ATP23: variants seen among roughly 807,000 people sequenced by gnomAD.
ATP23 encodes the protein ATP23 metallopeptidase and ATP synthase assembly factor homolog.
In ATP23, 24 loss-of-function variants were observed where a neutral mutation model predicts 28.5. The ratio of observed to expected loss-of-function variants is 0.84; its 90% CI spans 0.61 to 1.18. The LOEUF is 1.18. Among genes scored for constraint, ATP23 ranks in the 50% most tolerant of loss-of-function variants. The probability of loss-of-function intolerance (pLI) is 0.00; values close to 1 mark genes in which losing one functional copy is unlikely to be tolerated. For synonymous variants in ATP23, 99 were observed against 108.6 expected (o/e 0.91, Z 0.55); for missense variants, 274 against 306.4 (o/e 0.89, Z 0.79).
chr12:57,954,118 C>G (rs1264381835), intron 5 of ATP23, among the ~76,000 whole-genome samples: 1 of 142,212 alleles, frequency 7.0e-6, no homozygotes, highest in East Asian at 2.2e-4. Context: ...TCACTTGAAT[C>G]TGGGAGATGG....
At chr12:57,942,043 C>T (rs568320325) in intron 1 of ATP23, among the ~76,000 whole-genome samples, 155 bp downstream of exon 1, 3 of 152,362 alleles carry the variant, frequency 2.0e-5, no homozygotes, top group Non-Finnish European at 4.4e-5. Context: ...GAGCCTGAGG[C>T]TCAGTTTCCC....
Position 57,947,046 on chromosome 12 carries a change from C to A in ATP23, c.285C>A (p.Val95=). 1 of 1,614,038 alleles carries A rather than the reference C, an allele frequency of 6.2e-7. No homozygotes were observed. The highest frequency in any genetic ancestry group is 1.1e-5 in the South Asian group (1 of 91,042). The change falls in exon 3 of 6, where the codon GTC becomes GTA. Residue 95 remains valine (V), a synonymous_variant. Transcript: ENST00000300145. Reference sequence around the variant, plus strand: ...CTTGCGAAGACTGTAATGGAAATGTCAGTGGAGGTTTTGATGCTTCAACAT... The same window carrying A: ...CTTGCGAAGACTGTAATGGAAATGTAAGTGGAGGTTTTGATGCTTCAACAT... The part of the protein sequence containing the change: ...HFSCEDCNGN[V]SGGFDASTSQ...
chr12:57,949,735 T>G (rs568645516), intron 3 of ATP23: 1 of 152,490 alleles, frequency 6.6e-6, no homozygotes, highest in Non-Finnish European at 1.5e-5. Context: ...CCTCAAATGA[T>G]CCTTCCATTT....
chr12:57,946,422 A>G (rs1279908573), intron 2 of ATP23, among the ~76,000 whole-genome samples: 2 of 151,160 alleles, frequency 1.3e-5, no homozygotes, highest in Non-Finnish European at 2.9e-5. Context: ...CATACTTGCA[A>G]TATGGCCATA....
chr12:57,958,489 C>G lies in ATP23; in HGVS notation c.*1599C>G, dbSNP rs1033772575. Reference sequence around the variant, plus strand: ...ACCCTCATGGAGTCCATTGCACCCCCCCTGCCACCTCCACTGGAACAGGTG... The same window carrying G: ...ACCCTCATGGAGTCCATTGCACCCCGCCTGCCACCTCCACTGGAACAGGTG... On this transcript the variant is annotated 3_prime_UTR_variant, in exon 6 of 6. Coordinates refer to ENST00000300145, the MANE Select transcript of ATP23 (RefSeq NM_033276.4). 2.0e-5 allele frequency among the ~76,000 whole-genome samples: 3 copies of G among 152,162 alleles called. No homozygotes were observed. The highest frequency in any genetic ancestry group is 1.3e-4 in the Admixed American group (2 of 15,286).
chr12:57,952,137 C>T (rs1204807664), intron 4 of ATP23, among the ~76,000 whole-genome samples: 3 of 151,786 alleles, frequency 2.0e-5, no homozygotes, highest in African/African-American at 7.3e-5. Flanking sequence ...CTTTAATAAG[C>T]TATTAATTTT....
At chr12:57,946,446 A>ATTTTT (rs369316315) in intron 2 of ATP23, among the ~76,000 whole-genome samples, 1 of 104,024 alleles carries the variant, frequency 9.6e-6, no homozygotes, top group Non-Finnish European at 1.9e-5. Context: ...AGTTGAACAA[A>ATTTTT]TTTTTTTTTT....
At chr12:57,943,755 G>GT (rs1343983753) in intron 1 of ATP23, among the ~76,000 whole-genome samples, 1 of 152,128 alleles carries the variant, frequency 6.6e-6, no homozygotes, top group Non-Finnish European at 1.5e-5. Context: ...AATGGTAGCT[G>GT]TTTTTACAGT....
chr12:57,954,087 A>G (rs751158953), intron 5 of ATP23, among the ~76,000 whole-genome samples: 28 of 148,692 alleles, frequency 1.9e-4, no homozygotes, highest in African/African-American at 6.4e-4. Flanking sequence ...CCCAACTACT[A>G]TGGAGGCTGA....
chr12:57,953,550 T>C (rs1035191671), intron 4 of ATP23, 56 bp from the exon 5 acceptor site: 12 of 1,418,708 alleles, frequency 8.5e-6, no homozygotes, highest in Non-Finnish European at 1.2e-5. Flanking sequence ...GTTGATATCA[T>C]AAAGATATAT....
At chr12:57,942,578 C>G (rs1364791558) in intron 1 of ATP23, among the ~76,000 whole-genome samples, 4 of 152,100 alleles carry the variant, frequency 2.6e-5, no homozygotes, top group Non-Finnish European at 5.9e-5. Context: ...CGCTCGCCAC[C>G]ACACCCTGCT....
At chr12:57,947,185 A>G (rs947093808) in intron 3 of ATP23, 109 bp downstream of exon 3, 54 of 992,484 alleles carry the variant, frequency 5.4e-5, no homozygotes, top group Non-Finnish European at 7.3e-5. Flanking sequence ...ATGTAGGACT[A>G]AAAAAGTGAA....
intron 1 of ATP23, among the ~76,000 whole-genome samples, chr12:57,943,602 A>G (rs1480560517): frequency 6.6e-6 from 1 of 151,740 alleles, no homozygotes; most frequent in Non-Finnish European, 1.5e-5. Flanking sequence ...ATTTGCTTGA[A>G]CCCAGGAGGC....
At chr12:57,943,506 C>T (rs1227422790) in intron 1 of ATP23, among the ~76,000 whole-genome samples, 4 of 151,656 alleles carry the variant, frequency 2.6e-5, no homozygotes. Flanking sequence ...ATAGGGAGAC[C>T]CTGTCTCTAC....
Position 57,941,818 on chromosome 12 carries a change from A to G in ATP23, c.117A>G (p.Gln39=), listed in dbSNP as rs770023009. 2.5e-6 allele frequency: 4 copies of G among 1,612,648 alleles called. No individual in the cohort carries two copies. In the African/African-American group the frequency reaches 4.0e-5, roughly 16 times the overall value. ...GTCTGGCCCAGGGGAATCCCCAGCAAGGGTTCTTCTCCAGCTTCTTCACCA... is the reference window on the plus strand; with the variant it reads ...GTCTGGCCCAGGGGAATCCCCAGCAGGGGTTCTTCTCCAGCTTCTTCACCA... The part of the protein sequence containing the change: ...PERLAQGNPQ[Q]GFFSSFFTSN... Residue 39 remains glutamine, a synonymous_variant, in exon 1 of 6, where the codon CAA becomes CAG. Transcript: ENST00000300145.
intron 3 of ATP23, chr12:57,949,779 G>A (rs1330948596): frequency 1.3e-5 from 2 of 152,232 alleles, no homozygotes; most frequent in Non-Finnish European, 2.9e-5. Context: ...ACAAGTGAGA[G>A]CCACTGCTCC....
intron 3 of ATP23, among the ~76,000 whole-genome samples, chr12:57,950,044 A>C (rs1043451158): frequency 1.3e-5 from 2 of 152,162 alleles, no homozygotes; most frequent in African/African-American, 4.8e-5. Context: ...GGCTTCCACC[A>C]CCATTCTAGC....
chr12:57,946,978 C>T lies in ATP23; in HGVS notation c.234-17C>T. Reference sequence around the variant, plus strand: ...ACACACTGTTTCTGGACATTGTCTCCTTTTCTTGCCTTTTAGTGCTGTTAA... The same window carrying T: ...ACACACTGTTTCTGGACATTGTCTCTTTTTCTTGCCTTTTAGTGCTGTTAA... On this transcript the variant is annotated splice_polypyrimidine_tract_variant and intron_variant, in intron 2 of 5. Transcript: ENST00000300145. 6.2e-7 allele frequency: 1 copy of T among 1,613,128 alleles called. No individual in the cohort carries two copies. Among genetic ancestry groups the T allele is most frequent in the East Asian group, 2.2e-5 (1 of 44,838 alleles).
At position 57,941,779 on chromosome 12, in the gene ATP23, G is replaced by T. The variant is rs779879602; in HGVS notation, c.78G>T (p.Gln26His). 2 of 1,604,342 alleles carry T rather than the reference G, an allele frequency of 1.2e-6. No homozygotes were observed. The highest frequency in any genetic ancestry group is 2.2e-5 in the South Asian group (2 of 89,506). ...TGCAGCAGCAACACGTCTCTTGCCA[G>T]GTCTTCCCCGAGCGTCTGGCCCAGG... ...EQLQQQHVSC[Q>H]VFPERLAQGN... The change falls in exon 1 of 6, where the codon CAG becomes CAT. Residue 26 changes from glutamine (Q) to histidine (H), a missense_variant. Transcript: ENST00000300145.
Sources: gnomAD v4.1 joint callset for allele counts (sites outside exome capture counted in the v4.1 genomes callset) on GRCh38, gnomAD v4.1.1 for gene constraint, MANE v1.5 for transcripts, NCBI Gene and HGNC (gene_info 2026-07-23, HGNC 2026-07-21) for gene names.